Variants in PLXNC1 observed in about 807,000 individuals in gnomAD.
PLXNC1 encodes the protein plexin-C1.
Under a neutral mutation model 178.2 loss-of-function variants are expected in PLXNC1, and 75 were observed. The observed-to-expected ratio is 0.42, with a 90% CI of 0.35 to 0.51. The LOEUF is 0.51. PLXNC1 is among the 20% of genes least tolerant of loss of function. PLXNC1 has a pLI of 0.02. For synonymous variants in PLXNC1, 790 were observed against 779.9 expected, an observed-to-expected ratio of 1.01 and a Z score of -0.22; for missense variants, 1,503 against 1,984.4, an observed-to-expected ratio of 0.76 and a Z score of 4.61.
intron 21 of PLXNC1, among the ~76,000 whole-genome samples, chr12:94,273,582 A>G (rs767473563): frequency 6.6e-5 from 10 of 152,008 alleles, no homozygotes; most frequent in Non-Finnish European, 1.2e-4. Flanking sequence ...TAAATCCCTA[A>G]AATGCTCCGT....
intron 12 of PLXNC1, among the ~76,000 whole-genome samples, chr12:94,244,367 T>C (rs1464604097): frequency 3.3e-5 from 5 of 152,196 alleles, no homozygotes; most frequent in South Asian, 2.1e-4. Context: ...ATATAAAGAA[T>C]TGCATTTCTG....
At chr12:94,278,453 G>C (rs1367898571) in intron 21 of PLXNC1, among the ~76,000 whole-genome samples, 1 of 152,332 alleles carries the variant, frequency 6.6e-6, no homozygotes, top group East Asian at 1.9e-4. Context: ...CCCTAGTTCT[G>C]TGTTTTCACA....
chr12:94,212,883 C>A (rs917874737), intron 5 of PLXNC1, among the ~76,000 whole-genome samples: 1 of 143,386 alleles, frequency 7.0e-6, no homozygotes, highest in Non-Finnish European at 1.6e-5. Flanking sequence ...CTACACCCGG[C>A]TAATTTTTTG....
intron 23 of PLXNC1, 88 bp downstream of exon 23, chr12:94,282,489 C>A: frequency 2.3e-6 from 2 of 860,842 alleles, no homozygotes; most frequent in Non-Finnish European, 3.8e-6. Context: ...GGACTCCCAC[C>A]CATTTCCTGG....
In PLXNC1 at chr12:94,227,155, T is replaced by A; in HGVS notation, c.1900T>A (p.Cys634Ser). The A allele has an allele frequency of 6.2e-7, 1 of 1,606,712 alleles. No homozygotes were observed. The highest frequency in any genetic ancestry group is 1.1e-5 in the South Asian group (1 of 90,954). The change falls in exon 9 of 31, where the codon TGT becomes AGT. Residue 634 changes from cysteine to serine, a missense_variant. Coordinates refer to ENST00000258526, the MANE Select transcript of PLXNC1 (RefSeq NM_005761.3). ...GGGATGTTCTCCATTCCAGGAACAG[T>A]GTCCAGTGGCTGTCGAGAAGACATC... is the stretch of plus-strand genomic sequence containing the variant. ...PSDYERNQEQ[C>S]PVAVEKTSGG... is the part of the protein sequence containing the mutation.
Position 94,257,917 on chromosome 12 carries a change from TAATA to T in PLXNC1, c.3088-1409_3088-1406del, listed in dbSNP as rs1555204319. 4.2e-3 allele frequency among the ~76,000 whole-genome samples: 560 copies of T among 132,752 alleles called. 8 individuals are homozygous for T. Among genetic ancestry groups the T allele is most frequent in the African/African-American group, 0.016 (544 of 34,528 alleles). 87.1% of individuals were successfully genotyped at this position (132,752 alleles called of 152,430 possible). On this transcript the variant is annotated intron_variant, in intron 17 of 30. Transcript: ENST00000258526. Reference sequence around the variant, plus strand: ...GAGCGAGACTCTGTCTCAAAAAAAATAATAAATAAATAAAAAGAATTGCTTGAAC... The same window carrying T: ...GAGCGAGACTCTGTCTCAAAAAAAATAATAAATAAAAAGAATTGCTTGAAC...
intron 4 of PLXNC1, among the ~76,000 whole-genome samples, chr12:94,189,973 G>A (rs1314164277): frequency 6.6e-6 from 1 of 152,114 alleles, no homozygotes; most frequent in Non-Finnish European, 1.5e-5. Flanking sequence ...ACAATGAGGA[G>A]GGACCTGGGG....
At chr12:94,192,382 A>T (rs1222264728) in intron 4 of PLXNC1, among the ~76,000 whole-genome samples, 1 of 151,856 alleles carries the variant, frequency 6.6e-6, no homozygotes, top group African/African-American at 2.4e-5. Context: ...AGTGCTCAGG[A>T]TACAGTTCTT....
In PLXNC1 at chr12:94,259,599, CTTT is replaced by C; in HGVS notation, c.3127-8_3127-6del. On this transcript the variant is annotated splice_region_variant and splice_polypyrimidine_tract_variant and intron_variant, in intron 18 of 30. Coordinates refer to ENST00000258526, the MANE Select transcript of PLXNC1 (RefSeq NM_005761.3). ...TTTGTATTATACTATATATTTTTTTCTTTTTATCAGAACAGAGACGCCAACGAC... is the reference window on the plus strand; with the variant it reads ...TTTGTATTATACTATATATTTTTTTCTTATCAGAACAGAGACGCCAACGAC... 1 of 1,562,320 alleles carries C rather than the reference CTTT, an allele frequency of 6.4e-7. No individual in the cohort carries two copies. Among genetic ancestry groups the C allele is most frequent in the Non-Finnish European group, 8.7e-7 (1 of 1,155,918 alleles).
intron 23 of PLXNC1, among the ~76,000 whole-genome samples, chr12:94,283,699 G>A (rs539178091): frequency 6.6e-6 from 1 of 152,182 alleles, no homozygotes; most frequent in South Asian, 2.1e-4. Context: ...AGTCAAAGCT[G>A]TCTTCTTGCA....
At chr12:94,177,898 A>G (rs942896807) in intron 2 of PLXNC1, among the ~76,000 whole-genome samples, 3 of 152,210 alleles carry the variant, frequency 2.0e-5, no homozygotes, top group African/African-American at 7.2e-5. Flanking sequence ...TCACCTCAAC[A>G]TATTTCGTTA....
chr12:94,168,868 A>G, intron 1 of PLXNC1, among the ~76,000 whole-genome samples: 1 of 152,224 alleles, frequency 6.6e-6, no homozygotes, highest in Non-Finnish European at 1.5e-5. Flanking sequence ...AGTGGAATTC[A>G]GCTTCTTATA....
At chr12:94,186,172 G>A in intron 3 of PLXNC1, 1 of 521,916 alleles carries the variant, frequency 1.9e-6, no homozygotes, top group Non-Finnish European at 3.5e-6. Context: ...CTGGGAATAC[G>A]CACTGTCAAA....
chr12:94,265,448 G>A lies in PLXNC1; in HGVS notation c.3597+223G>A, dbSNP rs1013958991. Reference sequence around the variant, plus strand: ...AGAAAATATTGTAATGATGCCTGGGGTACTCATCAATTTCCAAAGATTTTA... The same window carrying A: ...AGAAAATATTGTAATGATGCCTGGGATACTCATCAATTTCCAAAGATTTTA... On this transcript the variant is annotated intron_variant, in intron 21 of 30. Coordinates refer to ENST00000258526, the MANE Select transcript of PLXNC1 (RefSeq NM_005761.3). 3.9e-4 allele frequency among the ~76,000 whole-genome samples: 59 copies of A among 152,132 alleles called. 2 individuals are homozygous for A. The highest frequency in any genetic ancestry group is 1.9e-4 in the Non-Finnish European group (13 of 68,038).
chr12:94,169,222 T>A lies in PLXNC1; in HGVS notation c.1132T>A (p.Ser378Thr). 1 of 1,613,926 alleles carries A rather than the reference T, an allele frequency of 6.2e-7. No individual in the cohort carries two copies. The highest frequency in any genetic ancestry group is 1.1e-5 in the South Asian group (1 of 91,078). Reference sequence around the variant, plus strand: ...TACCTTGATCCATTCCGACCTGACATCCGTTTATGGCACCGTGGTAATGAA... The same window carrying A: ...TACCTTGATCCATTCCGACCTGACAACCGTTTATGGCACCGTGGTAATGAA... Reference protein sequence around the residue: ...SSTLIHSDLTSVYGTVVMNRT... With the variant: ...SSTLIHSDLTTVYGTVVMNRT... The change falls in exon 2 of 31, where the codon TCC becomes ACC. Residue 378 changes from serine to threonine, a missense_variant. Ser to Thr is a moderately conservative substitution (Grantham distance 58). Transcript: ENST00000258526.
intron 6 of PLXNC1, 93 bp downstream of exon 6, chr12:94,220,256 C>G (rs1028135236): frequency 7.9e-7 from 1 of 1,267,616 alleles, no homozygotes; most frequent in East Asian, 2.3e-5. Flanking sequence ...TGAATAGTTC[C>G]CCCTCTGTAG....
chr12:94,229,547 C>T (rs976134882), intron 9 of PLXNC1, among the ~76,000 whole-genome samples: 5 of 152,138 alleles, frequency 3.3e-5, no homozygotes, highest in African/African-American at 1.2e-4. Flanking sequence ...ATTTTGGCCT[C>T]TGATTCATTC....
At chr12:94,244,081 A>T in intron 12 of PLXNC1, 56 bp downstream of exon 12, 1 of 1,036,026 alleles carries the variant, frequency 9.7e-7, no homozygotes, top group Non-Finnish European at 1.5e-6. Flanking sequence ...TTCTATTTTC[A>T]TCACACTATG....
intron 4 of PLXNC1, among the ~76,000 whole-genome samples, chr12:94,200,871 T>C (rs2135989467): frequency 6.6e-6 from 1 of 152,308 alleles, no homozygotes; most frequent in Non-Finnish European, 1.5e-5. Context: ...ATGTGCTAAA[T>C]AGCTCAAAGT....
Sources: allele counts gnomAD v4.1 joint callset (sites outside exome capture counted in the v4.1 genomes callset), GRCh38; gene constraint gnomAD v4.1.1; transcripts MANE v1.5; gene names NCBI Gene and HGNC (gene_info 2026-07-23, HGNC 2026-07-21).